DENND1A: variants seen among roughly 807,000 people sequenced by gnomAD.
The protein encoded by DENND1A is DENN domain containing 1A.
DENND1A carries 51 observed loss-of-function variants against 113.7 expected under a neutral mutation model. That is an observed-to-expected ratio of 0.45 (90% CI 0.36 to 0.57). The LOEUF (loss-of-function observed/expected upper bound fraction) is 0.57, where lower values mean the gene tolerates loss of function less well. Ranked by LOEUF, DENND1A falls within the 20% of genes least tolerant of loss-of-function variation. DENND1A has a pLI of 0.00. For synonymous variants in DENND1A, 565 were observed against 570.8 expected (o/e 0.99, Z 0.14); for missense variants, 1,258 against 1,395.9 (o/e 0.90, Z 1.57).
chr9:123,558,255 CCAAT>C (rs1422491919), intron 12 of DENND1A, among the ~76,000 whole-genome samples: 1 of 152,158 alleles, frequency 6.6e-6, no homozygotes, highest in East Asian at 1.9e-4. Context: ...GGGCCACATT[CCAAT>C]CAAAGTCTTG....
chr9:123,891,316 T>G (rs1254287085), intron 1 of DENND1A, among the ~76,000 whole-genome samples: 1 of 152,232 alleles, frequency 6.6e-6, no homozygotes, highest in Non-Finnish European at 1.5e-5. Flanking sequence ...ACAGTCACCA[T>G]GGAACTCGTG....
chr9:123,867,916 C>A (rs576527250), intron 2 of DENND1A, among the ~76,000 whole-genome samples: 2 of 152,298 alleles, frequency 1.3e-5, no homozygotes, highest in African/African-American at 2.4e-5. Flanking sequence ...TGGATTTATT[C>A]ATAACCATCT....
intron 5 of DENND1A, among the ~76,000 whole-genome samples, chr9:123,687,242 C>A (rs536351331): frequency 1.3e-5 from 2 of 152,138 alleles, no homozygotes; most frequent in African/African-American, 4.8e-5. Flanking sequence ...CACCTACCCC[C>A]CCAGCGATCA....
chr9:123,473,505 C>G (rs1169660949), intron 13 of DENND1A, among the ~76,000 whole-genome samples: 1 of 152,192 alleles, frequency 6.6e-6, no homozygotes, highest in East Asian at 1.9e-4. Flanking sequence ...CATATTCTGA[C>G]AGAGAGCAGA....
chr9:123,928,612 A>G (rs1323372757), intron 1 of DENND1A: 1 of 985,304 alleles, frequency 1.0e-6, no homozygotes, highest in Non-Finnish European at 1.2e-6. Context: ...AAACTTTTCT[A>G]GTTTCATTCA....
At chr9:123,603,856 T>C (rs2060036516) in intron 11 of DENND1A, among the ~76,000 whole-genome samples, 1 of 152,196 alleles carries the variant, frequency 6.6e-6, no homozygotes, top group African/African-American at 2.4e-5. Flanking sequence ...GCAAAGAAGC[T>C]CAGGTTTGGG....
intron 11 of DENND1A, among the ~76,000 whole-genome samples, chr9:123,606,053 C>T (rs990214800): frequency 1.3e-5 from 2 of 152,092 alleles, no homozygotes; most frequent in African/African-American, 4.8e-5. Flanking sequence ...TTCCTTTGGC[C>T]CCAGGTCTGA....
rs558449653 is a variant in DENND1A, at chr9:123,434,838, T to G, written c.1488+5522A>C. The stretch of plus-strand genomic sequence containing the variant: ...GCTTACAGTAAGTGCATGCTTACAG[T>G]GGACCCGGCTTACAGTGGACCCGGC... On this transcript the variant is annotated intron_variant, in intron 19 of 23. Transcript: ENST00000394215. Among the ~76,000 whole-genome samples, 4 of 152,200 alleles carry G rather than the reference T, an allele frequency of 2.6e-5. No homozygotes were observed. The South Asian group carries it at 8.3e-4, about 32-fold the overall frequency.
intron 5 of DENND1A, among the ~76,000 whole-genome samples, chr9:123,711,486 A>T (rs540062302): frequency 3.5e-3 from 355 of 101,770 alleles, no homozygotes; most frequent in East Asian, 9.3e-3. Flanking sequence ...TAAATTAAAA[A>T]ATATATATAT....
chr9:123,821,359 A>C (rs1452550230), intron 2 of DENND1A, among the ~76,000 whole-genome samples: 1 of 152,190 alleles, frequency 6.6e-6, no homozygotes, highest in African/African-American at 2.4e-5. Flanking sequence ...AATAAATGTC[A>C]TTTTCAAAAT....
At chr9:123,804,693 C>A (rs78685945) in intron 2 of DENND1A, among the ~76,000 whole-genome samples, 3 of 152,186 alleles carry the variant, frequency 2.0e-5, no homozygotes, top group Non-Finnish European at 4.4e-5. Context: ...CTTTCTCTCA[C>A]ATCCCAGAGC....
intron 11 of DENND1A, among the ~76,000 whole-genome samples, chr9:123,608,640 T>C (rs1011475157): frequency 1.3e-5 from 2 of 152,244 alleles, no homozygotes; most frequent in Middle Eastern, 3.2e-3. Flanking sequence ...TGGCATCCGA[T>C]GCATAGCTTT....
intron 19 of DENND1A, chr9:123,414,047 T>C: frequency 1.0e-6 from 1 of 993,048 alleles, no homozygotes; most frequent in Non-Finnish European, 1.2e-6. Context: ...ACCTCTGGCT[T>C]GGGCTATTTC....
chr9:123,896,237 A>G (rs1388292809), intron 1 of DENND1A, among the ~76,000 whole-genome samples: 2 of 152,076 alleles, frequency 1.3e-5, no homozygotes, highest in South Asian at 2.1e-4. Flanking sequence ...GCTTGAGCCC[A>G]GGAGTTCAAG....
chr9:123,435,090 G>C (rs115203374), intron 19 of DENND1A, among the ~76,000 whole-genome samples: 409 of 152,272 alleles, frequency 2.7e-3, no homozygotes, highest in African/African-American at 9.3e-3. Flanking sequence ...AGTGAGTTTG[G>C]TGGGGAGTGT....
chr9:123,665,416 T>G (rs565306430), intron 8 of DENND1A, among the ~76,000 whole-genome samples: 4 of 152,196 alleles, frequency 2.6e-5, no homozygotes, highest in Non-Finnish European at 4.4e-5. Context: ...GGTCTGAATT[T>G]TTTATTAGTT....
intron 21 of DENND1A, among the ~76,000 whole-genome samples, chr9:123,393,975 G>A (rs944782351): frequency 6.8e-6 from 1 of 147,218 alleles, no homozygotes; most frequent in Non-Finnish European, 1.5e-5. Flanking sequence ...GCTCCATTTG[G>A]GAGGTGATGT....
chr9:123,873,659 G>A (rs1846995597), intron 2 of DENND1A, among the ~76,000 whole-genome samples: 1 of 152,066 alleles, frequency 6.6e-6, no homozygotes, highest in Admixed American at 6.6e-5. Flanking sequence ...CAAATTTAGA[G>A]GTTAACTTTT....
chr9:123,795,995 T>C (rs1833701243), intron 2 of DENND1A, among the ~76,000 whole-genome samples: 1 of 152,206 alleles, frequency 6.6e-6, no homozygotes, highest in African/African-American at 2.4e-5. Context: ...CCTTATCCTT[T>C]TCTCTCAACA....
Sources: allele counts gnomAD v4.1 joint callset (sites outside exome capture counted in the v4.1 genomes callset), GRCh38; gene constraint gnomAD v4.1.1; transcripts MANE v1.5; gene names NCBI Gene and HGNC (gene_info 2026-07-23, HGNC 2026-07-21).